DISC1: variants seen among roughly 807,000 people sequenced by gnomAD.
DISC1 encodes the protein disrupted in schizophrenia 1 protein.
DISC1 carries 57 observed loss-of-function variants against 84.5 expected under a neutral mutation model. That is an observed-to-expected ratio of 0.67 (90% CI 0.55 to 0.84). The LOEUF is 0.84. Among genes scored for constraint, DISC1 ranks in the 40% least tolerant of loss-of-function variants. The pLI is 0.00. For synonymous variants in DISC1, 411 were observed against 415.2 expected, an observed-to-expected ratio of 0.99 and a Z score of 0.12; for missense variants, 1,000 against 1,057.8, an observed-to-expected ratio of 0.95 and a Z score of 0.76.
intron 8 of DISC1, among the ~76,000 whole-genome samples, chr1:231,813,629 T>C (rs1429213935): frequency 6.6e-6 from 1 of 152,210 alleles, no homozygotes; most frequent in Non-Finnish European, 1.5e-5. Flanking sequence ...CCTGTGGACT[T>C]TGTGGGTTTT....
chr1:231,953,752 T>C (rs377645352), intron 9 of DISC1, among the ~76,000 whole-genome samples: 1 of 152,334 alleles, frequency 6.6e-6, no homozygotes, highest in South Asian at 2.1e-4. Context: ...ACGTGGCTAA[T>C]GTTTGACAAA....
intron 9 of DISC1, among the ~76,000 whole-genome samples, chr1:231,855,775 G>T (rs200718574): frequency 5.3e-5 from 8 of 152,092 alleles, no homozygotes; most frequent in Non-Finnish European, 1.0e-4. Flanking sequence ...ACAAAAGCAA[G>T]TCTCTATTTT....
At chr1:231,961,677 C>T (rs1660399730) in intron 10 of DISC1, among the ~76,000 whole-genome samples, 1 of 152,162 alleles carries the variant, frequency 6.6e-6, no homozygotes, top group Admixed American at 6.5e-5. Flanking sequence ...TAATGGCCTC[C>T]AGCTACATCC....
intron 1 of DISC1, among the ~76,000 whole-genome samples, chr1:231,689,396 G>T (rs553539589): frequency 6.6e-6 from 1 of 151,972 alleles, no homozygotes; most frequent in African/African-American, 2.4e-5. Flanking sequence ...CAGTGGTGTG[G>T]TCTCGGCTCA....
chr1:232,006,410 T>C (rs1361662787), intron 10 of DISC1, among the ~76,000 whole-genome samples: 2 of 151,192 alleles, frequency 1.3e-5, no homozygotes, highest in Non-Finnish European at 2.9e-5. Context: ...GAGGAACTTG[T>C]TGGGAACTGG....
chr1:231,770,462 T>C (rs1320581319), intron 5 of DISC1, among the ~76,000 whole-genome samples: 1 of 152,152 alleles, frequency 6.6e-6, no homozygotes, highest in African/African-American at 2.4e-5. Context: ...TTTTGGTCTG[T>C]GGCTGGGGTA....
intron 11 of DISC1, among the ~76,000 whole-genome samples, chr1:232,015,506 G>C (rs1278416793): frequency 6.6e-6 from 1 of 152,090 alleles, no homozygotes; most frequent in African/African-American, 2.4e-5. Context: ...GGGAGTAGCT[G>C]AGAATTTTTG....
chr1:231,712,591 G>A (rs899072766), intron 3 of DISC1, among the ~76,000 whole-genome samples: 1 of 152,228 alleles, frequency 6.6e-6, no homozygotes, highest in Non-Finnish European at 1.5e-5. Flanking sequence ...TCTCTAGCAA[G>A]ACAGTTCTCT....
chr1:231,816,629 A>G (rs1558598233), intron 8 of DISC1, among the ~76,000 whole-genome samples: 1 of 152,160 alleles, frequency 6.6e-6, no homozygotes, highest in Non-Finnish European at 1.5e-5. Flanking sequence ...TTTTCCATGT[A>G]GATAGCTAGT....
At chr1:231,872,120 G>A (rs1168007247) in intron 9 of DISC1, among the ~76,000 whole-genome samples, 1 of 152,212 alleles carries the variant, frequency 6.6e-6, no homozygotes, top group East Asian at 1.9e-4. Context: ...ATGCATGCAA[G>A]GCGTGGGGAT....
chr1:231,627,161 G>C (rs962274001), intron 1 of DISC1, among the ~76,000 whole-genome samples: 1 of 152,214 alleles, frequency 6.6e-6, no homozygotes, highest in Non-Finnish European at 1.5e-5. Flanking sequence ...CCCTGACCCA[G>C]GACTGTGCAG....
chr1:231,839,854 G>C (rs1213011991), intron 9 of DISC1, among the ~76,000 whole-genome samples: 1 of 152,074 alleles, frequency 6.6e-6, no homozygotes. Flanking sequence ...AGGTGGAGGT[G>C]CCAGGCTCTT....
At chr1:231,681,905 G>A (rs557524622) in intron 1 of DISC1, among the ~76,000 whole-genome samples, 2 of 152,194 alleles carry the variant, frequency 1.3e-5, no homozygotes, top group East Asian at 3.9e-4. Flanking sequence ...TCACCATGTT[G>A]GCCAGGCTGG....
chr1:231,942,781 A>G (rs1213775693), intron 9 of DISC1, among the ~76,000 whole-genome samples: 1 of 152,170 alleles, frequency 6.6e-6, no homozygotes, highest in African/African-American at 2.4e-5. Flanking sequence ...CAGCAGGGAC[A>G]CTCCCAGCCG....
At chr1:231,913,822 C>A (rs1199810394) in intron 9 of DISC1, among the ~76,000 whole-genome samples, 1 of 152,172 alleles carries the variant, frequency 6.6e-6, no homozygotes, top group Non-Finnish European at 1.5e-5. Context: ...ATGCAAGAAA[C>A]CAGATTTCCA....
At chr1:231,699,393 G>A (rs940631678) in intron 2 of DISC1, among the ~76,000 whole-genome samples, 9 of 152,010 alleles carry the variant, frequency 5.9e-5, no homozygotes, top group Non-Finnish European at 1.0e-4. Flanking sequence ...ATAACCTGGT[G>A]CAATAAGTAC....
At chr1:231,972,834 G>GT (rs1662197288) in intron 10 of DISC1, among the ~76,000 whole-genome samples, 1 of 152,140 alleles carries the variant, frequency 6.6e-6, no homozygotes, top group Admixed American at 6.5e-5. Flanking sequence ...AATGAAACTG[G>GT]TTATAAGGTT....
chr1:232,035,951 C>G (rs1251670450), intron 12 of DISC1, among the ~76,000 whole-genome samples: 1 of 152,162 alleles, frequency 6.6e-6, no homozygotes, highest in Non-Finnish European at 1.5e-5. Flanking sequence ...TGAGAAATAA[C>G]TTTATAGGTT....
At chr1:231,822,430 T>C (rs1234662656) in intron 9 of DISC1, among the ~76,000 whole-genome samples, 3 of 152,190 alleles carry the variant, frequency 2.0e-5, no homozygotes, top group Admixed American at 6.6e-5. Flanking sequence ...AACTCATTTG[T>C]CTTTCGGTGA....
Sources: allele counts gnomAD v4.1 joint callset (sites outside exome capture counted in the v4.1 genomes callset), GRCh38; gene constraint gnomAD v4.1.1; transcripts MANE v1.5; gene names NCBI Gene and HGNC (gene_info 2026-07-23, HGNC 2026-07-21).